TRAPPC9: variants seen among roughly 807,000 people sequenced by gnomAD.
The protein encoded by TRAPPC9 is trafficking protein particle complex subunit 9, also known as IKK2 binding protein.
TRAPPC9 carries 83 observed loss-of-function variants against 124.0 expected under a neutral mutation model. That is an observed-to-expected ratio of 0.67 (90% CI 0.56 to 0.80). TRAPPC9 has a LOEUF of 0.80. Ranked by LOEUF, TRAPPC9 falls within the 30% of genes least tolerant of loss-of-function variation. The pLI is 0.00. For synonymous variants in TRAPPC9, 638 were observed against 617.5 expected, an observed-to-expected ratio of 1.03 and a Z score of -0.49; for missense variants, 1,302 against 1,508.3, an observed-to-expected ratio of 0.86 and a Z score of 2.27.
At chr8:139,918,936 C>T (rs1832327757) in intron 19 of TRAPPC9, among the ~76,000 whole-genome samples, 1 of 152,168 alleles carries the variant, frequency 6.6e-6, no homozygotes, top group Non-Finnish European at 1.5e-5. Flanking sequence ...CTTAACGGGA[C>T]TGCTTGGCCC....
intron 18 of TRAPPC9, among the ~76,000 whole-genome samples, chr8:140,003,945 A>T (rs1202895313): frequency 6.6e-6 from 1 of 152,270 alleles, no homozygotes; most frequent in African/African-American, 2.4e-5. Flanking sequence ...GTAACAGCCT[A>T]AATGTCCTTT....
chr8:139,959,355 G>A (rs1172208781), intron 19 of TRAPPC9, among the ~76,000 whole-genome samples: 16 of 152,184 alleles, frequency 1.1e-4, no homozygotes, highest in Admixed American at 1.0e-3. Context: ...ACTCTTTTGG[G>A]AGCCACAACA....
chr8:140,376,188 C>A (rs901080077), intron 7 of TRAPPC9, among the ~76,000 whole-genome samples: 2 of 152,030 alleles, frequency 1.3e-5, no homozygotes, highest in Non-Finnish European at 2.9e-5. Flanking sequence ...CAAAGCAAAA[C>A]AAAACAAAAA....
chr8:140,393,174 C>T (rs549082251), intron 7 of TRAPPC9, among the ~76,000 whole-genome samples: 2 of 152,106 alleles, frequency 1.3e-5, no homozygotes, highest in South Asian at 4.1e-4. Flanking sequence ...TGGGTTCAAG[C>T]GATTCTCCTC....
At chr8:140,269,537 T>C (rs1330546235) in intron 15 of TRAPPC9, among the ~76,000 whole-genome samples, 2 of 130,382 alleles carry the variant, frequency 1.5e-5, no homozygotes, top group Non-Finnish European at 1.6e-5. Flanking sequence ...CAAGACTCTG[T>C]CTCAAAAAAT....
intron 21 of TRAPPC9, among the ~76,000 whole-genome samples, chr8:139,752,634 T>TACCC (rs1819402265): frequency 2.0e-5 from 3 of 149,110 alleles, no homozygotes; most frequent in African/African-American, 7.4e-5. Flanking sequence ...ACCATCCATC[T>TACCC]ATCCATCCAT....
rs182465087 is a variant in TRAPPC9 at position 139,858,491 on chromosome 8, G to T, written c.3055+27388C>A. On this transcript the variant is annotated intron_variant, in intron 21 of 22. Coordinates refer to ENST00000438773, the MANE Select transcript of TRAPPC9 (RefSeq NM_001160372.4). ...CATTTTTATCAATCTAGAGAAACAT[G>T]CATCTTTCCCAAGATTTTTAGTTGA... Among the ~76,000 whole-genome samples the T allele has an allele frequency of 2.9e-4, 44 of 152,330 alleles. No individual in the cohort carries two copies. The East Asian group carries it at 8.1e-3, about 28-fold the overall frequency.
intron 21 of TRAPPC9, among the ~76,000 whole-genome samples, chr8:139,756,976 GT>G (rs1819867095): frequency 7.3e-6 from 1 of 136,106 alleles, no homozygotes; most frequent in Non-Finnish European, 1.6e-5. Flanking sequence ...AGAAGCCAGG[GT>G]TTGGGGATGA....
chr8:139,849,055 C>A (rs560188044), intron 21 of TRAPPC9, among the ~76,000 whole-genome samples: 9 of 152,344 alleles, frequency 5.9e-5, no homozygotes, highest in Non-Finnish European at 1.0e-4. Flanking sequence ...TGCCAACTGG[C>A]CCCCAAGTCA....
rs1490638075 is a variant in TRAPPC9 at position 139,776,549 on chromosome 8, A to C, written c.3056-44347T>G. 6.6e-6 allele frequency among the ~76,000 whole-genome samples: 1 copy of C among 152,174 alleles called. No homozygotes were observed. Among genetic ancestry groups the C allele is most frequent in the Non-Finnish European group, 1.5e-5 (1 of 68,026 alleles). ...ATAGCGACTGCCTAATTAGGAAGGC[A>C]CAGCTGACCACCCAGGCCTCATTCG... On this transcript the variant is annotated intron_variant, in intron 21 of 22. Transcript: ENST00000438773. The surrounding 1 kb of genome is among the most constrained non-coding windows in gnomAD (Gnocchi z 4.1).
intron 21 of TRAPPC9, among the ~76,000 whole-genome samples, chr8:139,773,050 G>A (rs1483070233): frequency 1.3e-5 from 2 of 152,248 alleles, no homozygotes; most frequent in Non-Finnish European, 1.5e-5. Flanking sequence ...CACCCCTCCA[G>A]GAGGCCCACA....
intron 21 of TRAPPC9, among the ~76,000 whole-genome samples, chr8:139,792,435 T>C (rs941925047): frequency 3.3e-5 from 5 of 152,190 alleles, no homozygotes; most frequent in Non-Finnish European, 7.4e-5. Context: ...TGGGCCTGGC[T>C]GCGTGTGGGC....
At chr8:140,205,144 G>T (rs923919785) in intron 17 of TRAPPC9, among the ~76,000 whole-genome samples, 6 of 152,234 alleles carry the variant, frequency 3.9e-5, no homozygotes, top group Admixed American at 6.5e-5. Flanking sequence ...CCTTTACAAT[G>T]ATTCTAATGT....
intron 21 of TRAPPC9, among the ~76,000 whole-genome samples, chr8:139,830,611 C>T (rs560817074): frequency 4.7e-4 from 71 of 151,292 alleles, no homozygotes; most frequent in Non-Finnish European, 8.4e-4. Context: ...GCATACACCA[C>T]ACGCATACAC....
At chr8:140,069,235 T>C (rs998091876) in intron 17 of TRAPPC9, among the ~76,000 whole-genome samples, 3 of 152,218 alleles carry the variant, frequency 2.0e-5, no homozygotes, top group Non-Finnish European at 4.4e-5. Flanking sequence ...CCACTGAGTG[T>C]AGCAGTGGCG....
At chr8:140,196,828 A>T (rs905309835) in intron 17 of TRAPPC9, among the ~76,000 whole-genome samples, 2 of 152,140 alleles carry the variant, frequency 1.3e-5, no homozygotes, top group Non-Finnish European at 2.9e-5. Context: ...TACAGATCGC[A>T]CCTGTGACAC....
chr8:140,137,891 G>T (rs753124533), intron 17 of TRAPPC9, among the ~76,000 whole-genome samples: 1 of 152,134 alleles, frequency 6.6e-6, no homozygotes, highest in Admixed American at 6.6e-5. Flanking sequence ...CCAAATCCAG[G>T]TATGTTTGAT....
At chr8:140,024,833 G>C (rs969342555) in intron 17 of TRAPPC9, among the ~76,000 whole-genome samples, 3 of 152,176 alleles carry the variant, frequency 2.0e-5, no homozygotes, top group Non-Finnish European at 4.4e-5. Context: ...TGACAGGCGG[G>C]GGCGGGGGTG....
chr8:140,287,409 C>A (rs1278921562), intron 13 of TRAPPC9, among the ~76,000 whole-genome samples, 199 bp downstream of exon 13: 1 of 152,096 alleles, frequency 6.6e-6, no homozygotes, highest in African/African-American at 2.4e-5. Flanking sequence ...GGTCAGAGCA[C>A]AGGAAGGACC....
Sources: allele counts gnomAD v4.1 joint callset (sites outside exome capture counted in the v4.1 genomes callset), GRCh38; gene constraint gnomAD v4.1.1; non-coding constraint Gnocchi (gnomAD v3.1); transcripts MANE v1.5; gene names NCBI Gene and HGNC (gene_info 2026-07-23, HGNC 2026-07-21).